RANBP3: variants seen among roughly 807,000 people sequenced by gnomAD.
The protein encoded by RANBP3 is ran-binding protein 3.
A neutral mutation model predicts 77.3 loss-of-function variants in RANBP3; 14 were observed. The observed-to-expected ratio is 0.18, with a 90% CI of 0.12 to 0.28. The LOEUF is 0.28. RANBP3 is among the 10% of genes least tolerant of loss of function. The pLI, the probability that RANBP3 is intolerant of heterozygous loss-of-function variation, is 1.00. For synonymous variants in RANBP3, 315 were observed against 312.4 expected, an observed-to-expected ratio of 1.01 and a Z score of -0.09; for missense variants, 586 against 752.3, an observed-to-expected ratio of 0.78 and a Z score of 2.59.
In RANBP3 at chr19:5,952,266, AG is replaced by A. The variant is rs984433894; in HGVS notation, c.79-671del. Among the ~76,000 whole-genome samples, 6 of 152,044 alleles carry A rather than the reference AG, an allele frequency of 3.9e-5. No homozygotes were observed. Among genetic ancestry groups the A allele is most frequent in the African/African-American group, 1.4e-4 (6 of 41,384 alleles). ...GGCAGGCGGGTAGTTCAGATGAAGG[AG>A]GGGGGCAAATCCACAGAGCCCCTCA... On this transcript the variant is annotated intron_variant, in intron 2 of 16. Transcript: ENST00000340578. This position sits in a 1 kb window ranked among gnomAD's most constrained non-coding sequence, Gnocchi z 4.1.
rs901713677 is a variant in RANBP3, at chr19:5,924,085, C to T, written c.997-171G>A. Among the ~76,000 whole-genome samples, 1 of 152,252 alleles carries T rather than the reference C, an allele frequency of 6.6e-6. No individual in the cohort carries two copies. Among genetic ancestry groups the T allele is most frequent in the African/African-American group, 2.4e-5 (1 of 41,468 alleles). ...GCTCCCCACGTGGTCCCTCAGGCATCACTACGGGGTGAGTGCCACCAGCCG... is the reference window on the plus strand; with the variant it reads ...GCTCCCCACGTGGTCCCTCAGGCATTACTACGGGGTGAGTGCCACCAGCCG... On this transcript the variant is annotated intron_variant, in intron 11 of 16. Transcript: ENST00000340578. This position sits in a 1 kb window ranked among gnomAD's most constrained non-coding sequence, Gnocchi z 4.7.
At chr19:5,965,160 T>C (rs2145248198) in intron 1 of RANBP3, among the ~76,000 whole-genome samples, 1 of 152,092 alleles carries the variant, frequency 6.6e-6, no homozygotes, top group East Asian at 1.9e-4. Context: ...AGGTGGGCCC[T>C]TCCTCTAAAG....
At chr19:5,947,433 C>T (rs1482675178) in intron 3 of RANBP3, among the ~76,000 whole-genome samples, 1 of 152,156 alleles carries the variant, frequency 6.6e-6, no homozygotes, top group Non-Finnish European at 1.5e-5. Flanking sequence ...ACATAAGAGC[C>T]CCATTTCCTC....
chr19:5,941,690 C>G lies in RANBP3; in HGVS notation c.337G>C (p.Gly113Arg), dbSNP rs2145138935. ...CGCTTGACAGGAGGGCAGTAATTTC[C>G]ATCTTCTCTGTCAGAATCTACAGAA... ...EGGEDSDRED[G>R]NYCPPVKRER... Residue 113 changes from glycine (G) to arginine (R), a missense_variant, in exon 5 of 17, where the codon GGA (glycine) becomes CGA (arginine). Gly to Arg is a moderately radical substitution (Grantham distance 125). Transcript: ENST00000340578. 1 of 1,613,770 alleles carries G rather than the reference C, an allele frequency of 6.2e-7. No individual in the cohort carries two copies. Among genetic ancestry groups the G allele is most frequent in the Middle Eastern group, 1.7e-4 (1 of 5,856 alleles).
intron 2 of RANBP3, among the ~76,000 whole-genome samples, chr19:5,957,445 T>C (rs908067063): frequency 6.6e-6 from 1 of 152,118 alleles, no homozygotes; most frequent in African/African-American, 2.4e-5. Flanking sequence ...TTACTCTAAA[T>C]GCACGTACGC....
chr19:5,966,526 T>A (rs2058469705), intron 1 of RANBP3, among the ~76,000 whole-genome samples: 1 of 152,234 alleles, frequency 6.6e-6, no homozygotes, highest in Non-Finnish European at 1.5e-5. Flanking sequence ...CGCCTCCGCC[T>A]CTCTCCTCTT....
chr19:5,955,127 A>AC (rs2058320566), intron 2 of RANBP3, among the ~76,000 whole-genome samples: 1 of 152,080 alleles, frequency 6.6e-6, no homozygotes, highest in African/African-American at 2.4e-5. Flanking sequence ...TTTTATTTTT[A>AC]ATTTTTATTT....
intron 15 of RANBP3, 161 bp downstream of exon 15, chr19:5,918,335 G>T: frequency 1.3e-6 from 1 of 785,874 alleles, no homozygotes; most frequent in African/African-American, 1.7e-5. Context: ...TATTCCTGAA[G>T]GCTGGGACTG....
intron 3 of RANBP3, among the ~76,000 whole-genome samples, chr19:5,949,379 A>G (rs1316179271): frequency 6.6e-6 from 1 of 152,242 alleles, no homozygotes; most frequent in Non-Finnish European, 1.5e-5. Context: ...GAGAAAGCCA[A>G]TTAACAGGAG....
At chr19:5,970,944 A>G (rs986868746) in intron 1 of RANBP3, among the ~76,000 whole-genome samples, 1 of 152,206 alleles carries the variant, frequency 6.6e-6, no homozygotes, top group South Asian at 2.1e-4. Context: ...CAAGTTGCCA[A>G]TGGGAACCTG....
chr19:5,936,275 C>T (rs955103879), intron 5 of RANBP3, among the ~76,000 whole-genome samples: 7 of 152,196 alleles, frequency 4.6e-5, no homozygotes, highest in African/African-American at 1.2e-4. Flanking sequence ...CAGAGGGTGC[C>T]GGTTTCTTAG....
intron 2 of RANBP3, among the ~76,000 whole-genome samples, chr19:5,954,379 G>A (rs2058311022): frequency 6.6e-6 from 1 of 152,124 alleles, no homozygotes; most frequent in Non-Finnish European, 1.5e-5. Flanking sequence ...ATATACTGGA[G>A]GATATTACTG....
intron 3 of RANBP3, among the ~76,000 whole-genome samples, chr19:5,944,365 C>T (rs1485845952): frequency 6.6e-6 from 1 of 152,204 alleles, no homozygotes; most frequent in Non-Finnish European, 1.5e-5. Flanking sequence ...CCTTGTCATC[C>T]CTTTTCTTGG....
chr19:5,963,103 A>G (rs1271648758), intron 1 of RANBP3, among the ~76,000 whole-genome samples: 1 of 152,198 alleles, frequency 6.6e-6, no homozygotes, highest in Non-Finnish European at 1.5e-5. Context: ...TTAAAATAGG[A>G]GTCAAATGCA....
chr19:5,943,626 C>T (rs924248583), intron 3 of RANBP3, among the ~76,000 whole-genome samples: 1 of 152,198 alleles, frequency 6.6e-6, no homozygotes, highest in African/African-American at 2.4e-5. Context: ...ACTTTCTCCT[C>T]CCGTGTGAGC....
chr19:5,961,801 CCTT>C (rs2058406122), intron 1 of RANBP3, among the ~76,000 whole-genome samples: 1 of 152,104 alleles, frequency 6.6e-6, no homozygotes, highest in Non-Finnish European at 1.5e-5. Flanking sequence ...AGGCTGAGCA[CCTT>C]GAGACAGGCC....
intron 1 of RANBP3, among the ~76,000 whole-genome samples, chr19:5,977,151 G>A: frequency 6.6e-6 from 1 of 152,168 alleles, no homozygotes; most frequent in East Asian, 1.9e-4. Context: ...GCACCGAATG[G>A]GGGAATCAGA....
chr19:5,960,650 C>T (rs911139021), intron 1 of RANBP3, among the ~76,000 whole-genome samples: 1 of 152,136 alleles, frequency 6.6e-6, no homozygotes, highest in Admixed American at 6.5e-5. Context: ...TGGTGCCAGG[C>T]TAGTAAGGAA....
chr19:5,925,671 T>A lies in RANBP3; in HGVS notation c.880A>T (p.Thr294Ser), dbSNP rs891580786. 3 of 1,613,612 alleles carry A rather than the reference T, an allele frequency of 1.9e-6. No homozygotes were observed. Among genetic ancestry groups the A allele is most frequent in the Admixed American group, 1.7e-5 (1 of 59,972 alleles). The change falls in exon 10 of 17, where the codon ACC becomes TCC. Residue 294 changes from threonine to serine, a missense_variant. Physicochemically the swap from Thr to Ser is moderately conservative, Grantham distance 58. Transcript: ENST00000340578. The stretch of plus-strand genomic sequence containing the variant: ...TACTGGAGGAAATAGTTCGTTGCGG[T>A]TGGCGTGTCTGCGCTGGGGTGTCCA... ...NAGHPSADTP[T>S]ATNYFLQYIS...
Sources: allele counts gnomAD v4.1 joint callset (sites outside exome capture counted in the v4.1 genomes callset), GRCh38; gene constraint gnomAD v4.1.1; non-coding constraint Gnocchi (gnomAD v3.1); transcripts MANE v1.5; gene names NCBI Gene and HGNC (gene_info 2026-07-23, HGNC 2026-07-21).